Variants in GNAQ observed in about 807,000 individuals in gnomAD.
GNAQ encodes guanine nucleotide-binding protein G(q) subunit alpha.
GNAQ carries 8 observed loss-of-function variants against 43.9 expected under a neutral mutation model. That is an observed-to-expected ratio of 0.18 (90% CI 0.11 to 0.33). GNAQ has a LOEUF of 0.33. GNAQ is among the 10% of genes least tolerant of loss of function. The pLI is 1.00. For missense variants in GNAQ, 158 were observed against 450.8 expected, an observed-to-expected ratio of 0.35 and a Z score of 5.88; for synonymous variants, 155 against 170.7, an observed-to-expected ratio of 0.91 and a Z score of 0.71.
intron 2 of GNAQ, among the ~76,000 whole-genome samples, chr9:77,850,322 C>T (rs780536856): frequency 6.6e-6 from 1 of 152,186 alleles, no homozygotes; most frequent in Non-Finnish European, 1.5e-5. Context: ...TCCACCACTT[C>T]CAGTTTACTC....
chr9:77,948,279 T>C (rs567338014), intron 1 of GNAQ, among the ~76,000 whole-genome samples: 46 of 152,322 alleles, frequency 3.0e-4, no homozygotes, highest in African/African-American at 9.4e-4. Context: ...TTTAAAACTA[T>C]AGTCATTTTA....
chr9:78,004,200 T>C (rs974423311), intron 1 of GNAQ, among the ~76,000 whole-genome samples: 4 of 150,880 alleles, frequency 2.7e-5, no homozygotes, highest in Non-Finnish European at 5.9e-5. Context: ...CCATCCAAAG[T>C]TGGTATATAA....
chr9:77,988,145 G>A (rs1823464903), intron 1 of GNAQ, among the ~76,000 whole-genome samples: 1 of 152,230 alleles, frequency 6.6e-6, no homozygotes, highest in African/African-American at 2.4e-5. Context: ...ATAAAGAGAG[G>A]AGTAGAAGGA....
chr9:78,011,602 TAAG>T (rs1823773331), intron 1 of GNAQ, among the ~76,000 whole-genome samples: 1 of 151,812 alleles, frequency 6.6e-6, no homozygotes, highest in Non-Finnish European at 1.5e-5. Flanking sequence ...AGAAAGGAAA[TAAG>T]GAGAAAAAAC....
At chr9:77,870,595 G>A (rs993495994) in intron 2 of GNAQ, among the ~76,000 whole-genome samples, 1 of 151,772 alleles carries the variant, frequency 6.6e-6, no homozygotes, top group African/African-American at 2.4e-5. Flanking sequence ...AAAGTGCTGG[G>A]ATTACAGGCT....
At chr9:77,800,734 AAAAT>A (rs1826731510) in intron 3 of GNAQ, among the ~76,000 whole-genome samples, 1 of 152,110 alleles carries the variant, frequency 6.6e-6, no homozygotes, top group South Asian at 2.1e-4. Flanking sequence ...TAAAAAAGAA[AAAAT>A]AAATAAATCA....
intron 5 of GNAQ, among the ~76,000 whole-genome samples, chr9:77,777,139 A>T (rs1826316898): frequency 6.6e-6 from 1 of 152,136 alleles, no homozygotes; most frequent in African/African-American, 2.4e-5. Context: ...TGGAAAGAAC[A>T]GTCTTATAGT....
chr9:77,734,695 C>A (rs769223416), intron 5 of GNAQ, among the ~76,000 whole-genome samples: 2 of 152,248 alleles, frequency 1.3e-5, no homozygotes, highest in Admixed American at 6.5e-5. Flanking sequence ...AGGAGCCAGT[C>A]AGGTGACTGT....
intron 1 of GNAQ, among the ~76,000 whole-genome samples, chr9:77,991,731 C>T (rs997732422): frequency 3.9e-5 from 6 of 152,118 alleles, no homozygotes; most frequent in African/African-American, 1.4e-4. Context: ...CCCATGCTTC[C>T]CTCCAAGTCC....
At chr9:77,941,766 C>T (rs1829317870) in intron 1 of GNAQ, among the ~76,000 whole-genome samples, 1 of 152,118 alleles carries the variant, frequency 6.6e-6, no homozygotes, top group Non-Finnish European at 1.5e-5. Flanking sequence ...AGAGACTACG[C>T]AACTAGGAGA....
At chr9:77,963,526 C>A (rs774246815) in intron 1 of GNAQ, among the ~76,000 whole-genome samples, 8 of 152,110 alleles carry the variant, frequency 5.3e-5, no homozygotes, top group African/African-American at 1.9e-4. Context: ...CATGGCCTTA[C>A]CAGTACGATC....
At chr9:77,752,507 C>G (rs1308901450) in intron 5 of GNAQ, among the ~76,000 whole-genome samples, 1 of 152,206 alleles carries the variant, frequency 6.6e-6, no homozygotes, top group Non-Finnish European at 1.5e-5. Flanking sequence ...CACATCCAAT[C>G]TCCTCTTTTT....
chr9:77,781,232 T>G (rs1219639095), intron 5 of GNAQ, among the ~76,000 whole-genome samples: 1 of 152,066 alleles, frequency 6.6e-6, no homozygotes, highest in Non-Finnish European at 1.5e-5. Flanking sequence ...GTGTCTTATA[T>G]TTAGGTCTTT....
intron 2 of GNAQ, among the ~76,000 whole-genome samples, chr9:77,885,656 T>A (rs1250319172): frequency 6.6e-6 from 1 of 152,106 alleles, no homozygotes; most frequent in Non-Finnish European, 1.5e-5. Flanking sequence ...GAGGTTACTG[T>A]CTCAGTACGG....
chr9:77,845,887 C>CTAAAGAAAGAGTTGTTGCT (rs1361179607), intron 2 of GNAQ, among the ~76,000 whole-genome samples: 3 of 152,154 alleles, frequency 2.0e-5, no homozygotes, highest in Non-Finnish European at 4.4e-5. Context: ...TCACCGTCAA[C>CTAAAGAAAGAGTTGTTGCT]TAAAGAAAGA....
In GNAQ at chr9:78,031,220, T is replaced by A. The variant is rs746420387; in HGVS notation, c.16A>T (p.Ile6Phe). The A allele has an allele frequency of 6.5e-7, 1 of 1,545,680 alleles. No individual in the cohort carries two copies. The change falls in exon 1 of 7, where the codon ATC becomes TTC. Residue 6 changes from isoleucine (I) to phenylalanine (F), a missense_variant. Ile to Phe is a conservative substitution (Grantham distance 21). This residue lies in a region of GNAQ where 12 missense variants were observed against 18.9 expected (regional missense o/e 0.64). Coordinates refer to ENST00000286548, the MANE Select transcript of GNAQ (RefSeq NM_002072.5). ...TCCTCGCTCAGGCAGCACGCCATGA[T>A]GGACTCCAGAGTCATTCTTCCAAAG... MTLES[I>F]MACCLSEEAK...
chr9:77,860,513 T>G (rs555442612), intron 2 of GNAQ, among the ~76,000 whole-genome samples: 24 of 152,160 alleles, frequency 1.6e-4, no homozygotes, highest in Non-Finnish European at 7.3e-5. Flanking sequence ...ACACCTCAAA[T>G]CATCAAGCAT....
intron 1 of GNAQ, among the ~76,000 whole-genome samples, chr9:77,942,088 A>C (rs1383328253): frequency 2.6e-5 from 4 of 152,234 alleles, no homozygotes; most frequent in African/African-American, 7.2e-5. Flanking sequence ...TTAAAATGGT[A>C]TATTTTGTAA....
At position 77,815,642 on chromosome 9, in the gene GNAQ, T is replaced by C. The variant is rs1827000027; in HGVS notation, c.450A>G (p.Glu150=). Residue 150 remains glutamate (E), a synonymous_variant, in exon 3 of 7, where the codon GAA becomes GAG. Transcript: ENST00000286548. ...GIQECYDRRR[E]YQLSDSTKYY... ...ATTTGGTAGAGTCAGATAATTGATA[T>C]TCTCGTCGTCTATCATAGCATTCCT... is the stretch of plus-strand genomic sequence containing the variant. 1 of 1,604,344 alleles carries C rather than the reference T, an allele frequency of 6.2e-7. No individual in the cohort carries two copies. Among genetic ancestry groups the C allele is most frequent in the African/African-American group, 1.3e-5 (1 of 74,840 alleles).
Sources: allele counts gnomAD v4.1 joint callset (sites outside exome capture counted in the v4.1 genomes callset), GRCh38; gene constraint gnomAD v4.1.1; regional missense constraint gnomAD v4.1.1; transcripts MANE v1.5; gene names NCBI Gene and HGNC (gene_info 2026-07-23, HGNC 2026-07-21).